ERC2: variants seen among roughly 807,000 people sequenced by gnomAD.
ERC2 encodes the protein ELKS/RAB6-interacting/CAST family member 2.
In ERC2, 42 loss-of-function variants were observed where a neutral mutation model predicts 114.8. The ratio of observed to expected loss-of-function variants is 0.37; its 90% CI spans 0.29 to 0.47. ERC2 has a LOEUF of 0.47. Among genes scored for constraint, ERC2 ranks in the 20% least tolerant of loss-of-function variants. The pLI is 0.99. For missense variants in ERC2, 939 were observed against 1,150.7 expected, an observed-to-expected ratio of 0.82 and a Z score of 2.66; for synonymous variants, 454 against 425.5, an observed-to-expected ratio of 1.07 and a Z score of -0.82.
intron 2 of ERC2, among the ~76,000 whole-genome samples, chr3:56,328,795 C>G (rs2057478765): frequency 6.6e-6 from 1 of 152,080 alleles, no homozygotes; most frequent in Admixed American, 6.5e-5. Context: ...CTCAGCAAGT[C>G]CAATCTCAGA....
At chr3:55,761,517 G>A (rs547618756) in intron 14 of ERC2, among the ~76,000 whole-genome samples, 2 of 152,038 alleles carry the variant, frequency 1.3e-5, no homozygotes, top group Admixed American at 6.6e-5. Context: ...CTGTTGTAGC[G>A]TGAAAGCAGC....
At chr3:56,048,057 A>T (rs2075566537) in intron 7 of ERC2, among the ~76,000 whole-genome samples, 1 of 152,248 alleles carries the variant, frequency 6.6e-6, no homozygotes, top group African/African-American at 2.4e-5. Context: ...TTTAAAACAA[A>T]TTAATAAGAA....
intron 2 of ERC2, among the ~76,000 whole-genome samples, chr3:56,300,322 AT>A (rs2055785129): frequency 6.6e-6 from 1 of 152,002 alleles, no homozygotes; most frequent in Non-Finnish European, 1.5e-5. Flanking sequence ...AAAATAGCCC[AT>A]ATTCAAAGTC....
intron 2 of ERC2, among the ~76,000 whole-genome samples, chr3:56,376,126 G>A (rs2059532118): frequency 6.6e-6 from 1 of 152,160 alleles, no homozygotes; most frequent in Non-Finnish European, 1.5e-5. Context: ...TGAGCTAGAG[G>A]ATGCAGCTAA....
intron 14 of ERC2, among the ~76,000 whole-genome samples, chr3:55,753,479 G>A (rs2066853206): frequency 6.6e-6 from 1 of 152,204 alleles, no homozygotes; most frequent in Admixed American, 6.5e-5. Flanking sequence ...ATTACTATCA[G>A]GGGCATCCCT....
intron 3 of ERC2, among the ~76,000 whole-genome samples, chr3:56,226,029 C>T (rs1046695410): frequency 5.3e-5 from 8 of 152,176 alleles, no homozygotes; most frequent in Admixed American, 3.9e-4. Flanking sequence ...GACAGAGATG[C>T]TTTCTACTAT....
intron 2 of ERC2, among the ~76,000 whole-genome samples, chr3:56,382,931 C>A (rs1480468017): frequency 6.6e-6 from 1 of 152,136 alleles, no homozygotes; most frequent in Non-Finnish European, 1.5e-5. Flanking sequence ...GGTTTACCCT[C>A]CAAATCTGCT....
chr3:55,920,877 C>G (rs1324414706), intron 13 of ERC2, among the ~76,000 whole-genome samples: 1 of 151,966 alleles, frequency 6.6e-6, no homozygotes, highest in African/African-American at 2.4e-5. Context: ...TGAGGTTATC[C>G]CATTTGACCA....
chr3:55,716,738 C>T (rs1162739049), intron 15 of ERC2, among the ~76,000 whole-genome samples: 1 of 152,206 alleles, frequency 6.6e-6, no homozygotes, highest in African/African-American at 2.4e-5. Context: ...ACAGGCTTAT[C>T]TCCACCTCCA....
At chr3:56,187,283 A>G (rs2150059812) in intron 3 of ERC2, among the ~76,000 whole-genome samples, 1 of 152,314 alleles carries the variant, frequency 6.6e-6, no homozygotes, top group East Asian at 1.9e-4. Context: ...TGTTGGCAAC[A>G]GCACTCACAG....
chr3:56,327,037 G>A (rs1205572096), intron 2 of ERC2, among the ~76,000 whole-genome samples: 1 of 152,178 alleles, frequency 6.6e-6, no homozygotes, highest in East Asian at 1.9e-4. Context: ...CCTACAAAGA[G>A]GATGCTGCTG....
intron 12 of ERC2, among the ~76,000 whole-genome samples, chr3:55,984,985 G>T (rs2070476693): frequency 1.3e-5 from 2 of 152,148 alleles, no homozygotes; most frequent in Non-Finnish European, 2.9e-5. Flanking sequence ...CAGAATAAAG[G>T]GTTGCAGACC....
intron 17 of ERC2, among the ~76,000 whole-genome samples, chr3:55,550,893 G>C (rs80053283): frequency 0.055 from 8,290 of 151,798 alleles, 312 homozygotes; most frequent in Middle Eastern, 0.075. Flanking sequence ...GTGGGTGCCT[G>C]TAGTCCCAGC....
At chr3:55,987,336 T>C (rs528869679) in intron 11 of ERC2, among the ~76,000 whole-genome samples, 1 of 152,318 alleles carries the variant, frequency 6.6e-6, no homozygotes, top group East Asian at 1.9e-4. Flanking sequence ...TAGGAAATCC[T>C]AAACTGAAAT....
At chr3:56,435,961 G>A (rs892166146) in intron 1 of ERC2, among the ~76,000 whole-genome samples, 2 of 152,102 alleles carry the variant, frequency 1.3e-5, no homozygotes, top group Non-Finnish European at 2.9e-5. Context: ...ACCACTTCAT[G>A]TCTGTACAGA....
At chr3:55,595,677 T>C (rs1249247577) in intron 17 of ERC2, among the ~76,000 whole-genome samples, 6 of 152,232 alleles carry the variant, frequency 3.9e-5, no homozygotes, top group Non-Finnish European at 8.8e-5. Context: ...GTTTAAAAAC[T>C]GACAATTCAA....
At chr3:56,317,521 T>C (rs1178041102) in intron 2 of ERC2, among the ~76,000 whole-genome samples, 1 of 152,190 alleles carries the variant, frequency 6.6e-6, no homozygotes, top group South Asian at 2.1e-4. Flanking sequence ...CAGAAGTCTG[T>C]GAGTTTTATG....
chr3:56,444,227 T>C (rs768716262), intron 1 of ERC2, among the ~76,000 whole-genome samples: 8 of 151,810 alleles, frequency 5.3e-5, no homozygotes, highest in Non-Finnish European at 7.4e-5. Context: ...GGCCTTGGCT[T>C]CCCAAAGTGC....
chr3:56,199,732 C>T (rs1290557244), intron 3 of ERC2, among the ~76,000 whole-genome samples: 3 of 152,092 alleles, frequency 2.0e-5, no homozygotes, highest in Admixed American at 6.6e-5. Context: ...TGCTCTGGAA[C>T]CCCTGGGCTC....
Sources: allele counts gnomAD v4.1 joint callset (sites outside exome capture counted in the v4.1 genomes callset), GRCh38; gene constraint gnomAD v4.1.1; transcripts MANE v1.5; gene names NCBI Gene and HGNC (gene_info 2026-07-23, HGNC 2026-07-21).